Variants in ZNF679 observed in about 807,000 individuals in gnomAD.
The protein encoded by ZNF679 is zinc finger protein 679, also known as hypothetical protein MGC42415.
ZNF679 carries 10 observed loss-of-function variants against 13.4 expected under a neutral mutation model. The observed-to-expected ratio is 0.75, with a 90% CI of 0.46 to 1.27. The LOEUF is 1.27. ZNF679 is among the 50% of genes most tolerant of loss of function. The probability of loss-of-function intolerance (pLI) is 0.00; values close to 1 mark genes in which losing one functional copy is unlikely to be tolerated. For missense variants in ZNF679, 525 were observed against 477.8 expected (o/e 1.10, Z -0.92); for synonymous variants, 179 against 162.5 (o/e 1.10, Z -0.77).
rs1200441378 is a variant in ZNF679 at position 64,261,009 on chromosome 7, T to C, written c.262+80T>C. On this transcript the variant is annotated intron_variant, in intron 4 of 4. Transcript: ENST00000421025. The stretch of plus-strand genomic sequence containing the variant: ...AGGAAGCCAGTCCTTAAAATGTGAT[T>C]TGGGGAGATGTGCTTCCATGGAAAG... 5.0e-6 allele frequency: 7 copies of C among 1,405,468 alleles called. No homozygotes were observed. In the African/African-American group the frequency reaches 5.9e-5, roughly 12 times the overall value. 87.1% of individuals were successfully genotyped at this position (1,405,468 alleles called of 1,614,324 possible). A position where few individuals can be genotyped will look rare whatever the true frequency, so the allele number is the denominator to read the frequency against.
At chr7:64,234,639 T>G (rs1381058890) in intron 1 of ZNF679, among the ~76,000 whole-genome samples, 1 of 152,192 alleles carries the variant, frequency 6.6e-6, no homozygotes, top group African/African-American at 2.4e-5. Context: ...TTCAGCGTTG[T>G]GAAAACCAAA....
At chr7:64,230,324 G>A (rs964383275) in intron 1 of ZNF679, among the ~76,000 whole-genome samples, 2 of 152,016 alleles carry the variant, frequency 1.3e-5, no homozygotes, top group African/African-American at 2.4e-5. Context: ...ATGAGGTCAG[G>A]AGATCGAGAC....
chr7:64,239,883 C>A (rs530268314), intron 1 of ZNF679, among the ~76,000 whole-genome samples: 1 of 152,144 alleles, frequency 6.6e-6, no homozygotes, highest in Non-Finnish European at 1.5e-5. Flanking sequence ...TTTTACAGTT[C>A]TCATCACAAC....
intron 1 of ZNF679, among the ~76,000 whole-genome samples, chr7:64,237,649 G>C (rs1787745265): frequency 6.6e-6 from 1 of 152,130 alleles, no homozygotes; most frequent in African/African-American, 2.4e-5. Context: ...AATTCTGACA[G>C]AATCAAGAGT....
intron 1 of ZNF679, among the ~76,000 whole-genome samples, chr7:64,246,332 C>G (rs777331812): frequency 1.3e-4 from 20 of 152,126 alleles, no homozygotes; most frequent in Admixed American, 8.5e-4. Flanking sequence ...TTGGGTTGGG[C>G]GTTTCCTTAG....
intron 1 of ZNF679, among the ~76,000 whole-genome samples, chr7:64,233,920 A>G (rs1417444679): frequency 6.6e-6 from 1 of 152,178 alleles, no homozygotes; most frequent in East Asian, 1.9e-4. Context: ...CCACTGAGAG[A>G]CGGGACACTG....
intron 1 of ZNF679, among the ~76,000 whole-genome samples, chr7:64,234,202 T>C (rs1787678183): frequency 6.6e-6 from 1 of 152,194 alleles, no homozygotes; most frequent in Admixed American, 6.5e-5. Context: ...GAACCTGACC[T>C]TCAAAATCAC....
chr7:64,242,737 A>G (rs1458602610), intron 1 of ZNF679, among the ~76,000 whole-genome samples: 2 of 151,806 alleles, frequency 1.3e-5, no homozygotes, highest in African/African-American at 4.8e-5. Flanking sequence ...AGGGCTTTAG[A>G]CAATATGCAT....
chr7:64,250,809 G>A (rs1037257635), intron 2 of ZNF679, among the ~76,000 whole-genome samples: 4 of 151,904 alleles, frequency 2.6e-5, no homozygotes, highest in South Asian at 2.1e-4. Flanking sequence ...GGCTGGTCTC[G>A]AATGCCTGAC....
At chr7:64,251,154 AC>A (rs1471291518) in intron 2 of ZNF679, among the ~76,000 whole-genome samples, 1 of 152,048 alleles carries the variant, frequency 6.6e-6, no homozygotes, top group Non-Finnish European at 1.5e-5. Context: ...TAAATATTTC[AC>A]ATAAGAAGAA....
intron 1 of ZNF679, among the ~76,000 whole-genome samples, chr7:64,248,227 C>G (rs1787893792): frequency 6.6e-6 from 1 of 151,992 alleles, no homozygotes; most frequent in African/African-American, 2.4e-5. Flanking sequence ...TGAGGATAAT[C>G]CCCCCTAATA....
intron 1 of ZNF679, among the ~76,000 whole-genome samples, chr7:64,229,432 T>C (rs1253262471): frequency 6.6e-6 from 1 of 152,142 alleles, no homozygotes; most frequent in Non-Finnish European, 1.5e-5. Flanking sequence ...GACTTCCCCT[T>C]TGACCTGTGG....
chr7:64,257,264 G>T (rs1341492316), intron 2 of ZNF679, among the ~76,000 whole-genome samples: 1 of 152,118 alleles, frequency 6.6e-6, no homozygotes, highest in East Asian at 1.9e-4. Context: ...CTGTGACCCA[G>T]AGCTTCTGGT....
At chr7:64,244,237 G>A (rs753545603) in intron 1 of ZNF679, among the ~76,000 whole-genome samples, 15 of 151,938 alleles carry the variant, frequency 9.9e-5, no homozygotes, top group Admixed American at 9.9e-4. Context: ...GTGACAGAGC[G>A]AGACTCCATC....
chr7:64,261,187 A>T (rs1788072622), intron 4 of ZNF679, among the ~76,000 whole-genome samples: 2 of 152,178 alleles, frequency 1.3e-5, no homozygotes, highest in African/African-American at 2.4e-5. Context: ...TTTATGGCTT[A>T]TCAGAGACTG....
intron 2 of ZNF679, among the ~76,000 whole-genome samples, chr7:64,256,518 T>C (rs961557306): frequency 1.3e-5 from 2 of 152,158 alleles, no homozygotes; most frequent in African/African-American, 4.8e-5. Context: ...GTTAAACAAA[T>C]TTATACGCTC....
Position 64,236,804 on chromosome 7 carries a change from AAAAG to A in ZNF679, c.-91+8166_-91+8169del, listed in dbSNP as rs937124248. On this transcript the variant is annotated intron_variant, in intron 1 of 4. Coordinates refer to ENST00000421025, the MANE Select transcript of ZNF679 (RefSeq NM_153363.3). ...AAGGAAAGGAAAGGAGAAGGAAAGA[AAAAG>A]AAAGAAAGAAAGAGAAAGAAGGAAA... is the stretch of plus-strand genomic sequence containing the variant. Among the ~76,000 whole-genome samples the A allele has an allele frequency of 2.7e-4, 41 of 151,572 alleles. No homozygotes were observed. The East Asian group carries it at 5.8e-3, about 22-fold the overall frequency.
At chr7:64,230,458 G>A (rs534283638) in intron 1 of ZNF679, among the ~76,000 whole-genome samples, 152 of 151,722 alleles carry the variant, frequency 1.0e-3, no homozygotes, top group Non-Finnish European at 1.6e-3. Context: ...GCGTGAACCC[G>A]GGAAGCGGAG....
intron 2 of ZNF679, among the ~76,000 whole-genome samples, chr7:64,252,199 TTAGA>T (rs926357506): frequency 6.6e-6 from 1 of 152,130 alleles, no homozygotes; most frequent in African/African-American, 2.4e-5. Context: ...TCTCAAATGA[TTAGA>T]TAGTTTGACT....
Sources: gnomAD v4.1 joint callset for allele counts (sites outside exome capture counted in the v4.1 genomes callset) on GRCh38, gnomAD v4.1.1 for gene constraint, MANE v1.5 for transcripts, NCBI Gene and HGNC (gene_info 2026-07-23, HGNC 2026-07-21) for gene names.